Variants in SYNDIG1 observed in about 807,000 individuals in gnomAD.
The protein encoded by SYNDIG1 is synapse differentiation inducing 1, also known as synapse differentiation-inducing gene protein 1.
Under a neutral mutation model 19.4 loss-of-function variants are expected in SYNDIG1, and 9 were observed. That is an observed-to-expected ratio of 0.46 (90% CI 0.28 to 0.81). The LOEUF (loss-of-function observed/expected upper bound fraction) is 0.81, where lower values mean the gene tolerates loss of function less well. SYNDIG1 is among the 30% of genes least tolerant of loss of function. The pLI is 0.12. For synonymous variants in SYNDIG1, 141 were observed against 145.9 expected (o/e 0.97, Z 0.24); for missense variants, 311 against 343.3 (o/e 0.91, Z 0.74).
intron 1 of SYNDIG1, among the ~76,000 whole-genome samples, chr20:24,504,473 C>T (rs1461528940): frequency 6.6e-6 from 1 of 152,210 alleles, no homozygotes; most frequent in Non-Finnish European, 1.5e-5. Flanking sequence ...CAAGCCCAAA[C>T]AAGCCCGACT....
In SYNDIG1 at chr20:24,539,307, T is replaced by C. The variant is rs1410270135; in HGVS notation, c.-78-3713T>C. ...AGGTAAGGGTTCAACTTCATTCTTT[T>C]GCATGTGGATATCCAATTTTTTAGC... On this transcript the variant is annotated intron_variant, in intron 1 of 3. Coordinates refer to ENST00000376862, the MANE Select transcript of SYNDIG1 (RefSeq NM_024893.3). Among the ~76,000 whole-genome samples the C allele has an allele frequency of 2.0e-5, 3 of 152,338 alleles. No homozygotes were observed. In the East Asian group the frequency reaches 5.8e-4, roughly 29 times the overall value.
intron 1 of SYNDIG1, among the ~76,000 whole-genome samples, chr20:24,513,790 C>A (rs897430218): frequency 2.0e-5 from 3 of 152,142 alleles, no homozygotes; most frequent in Non-Finnish European, 4.4e-5. Context: ...CAAAGATACT[C>A]CTCAAAAAGA....
chr20:24,630,935 G>A (rs2147291903), intron 3 of SYNDIG1, among the ~76,000 whole-genome samples: 1 of 152,366 alleles, frequency 6.6e-6, no homozygotes, highest in East Asian at 1.9e-4. Context: ...AAGAAAGGAG[G>A]ACAGCAGGAT....
chr20:24,475,519 G>A (rs1275606327), intron 1 of SYNDIG1, among the ~76,000 whole-genome samples: 1 of 152,214 alleles, frequency 6.6e-6, no homozygotes, highest in Admixed American at 6.5e-5. Context: ...TGAAAGAGTT[G>A]AAATGTGATA....
At chr20:24,530,951 G>A (rs758570233) in intron 1 of SYNDIG1, among the ~76,000 whole-genome samples, 1 of 152,014 alleles carries the variant, frequency 6.6e-6, no homozygotes, top group Non-Finnish European at 1.5e-5. Flanking sequence ...TGGGACTACA[G>A]GCGCATGCCA....
chr20:24,528,651 G>C (rs187532744), intron 1 of SYNDIG1, among the ~76,000 whole-genome samples: 1 of 152,242 alleles, frequency 6.6e-6, no homozygotes, highest in East Asian at 1.9e-4. Context: ...TCCTATGGGC[G>C]AGGGCTTAAT....
intron 3 of SYNDIG1, among the ~76,000 whole-genome samples, chr20:24,620,412 G>T (rs1485725976): frequency 6.6e-6 from 1 of 152,304 alleles, no homozygotes; most frequent in Middle Eastern, 3.4e-3. Flanking sequence ...GGTCATCAGT[G>T]CTGGCTGTTT....
intron 3 of SYNDIG1, among the ~76,000 whole-genome samples, chr20:24,655,178 G>A (rs1189699784): frequency 6.6e-6 from 1 of 152,176 alleles, no homozygotes; most frequent in Non-Finnish European, 1.5e-5. Context: ...AACGCCAGGA[G>A]GAAATAAGAA....
intron 1 of SYNDIG1, among the ~76,000 whole-genome samples, chr20:24,524,377 G>A (rs2057071360): frequency 6.6e-6 from 1 of 152,198 alleles, no homozygotes; most frequent in African/African-American, 2.4e-5. Context: ...CGGCCAGGGT[G>A]GCTCACGCCA....
intron 2 of SYNDIG1, among the ~76,000 whole-genome samples, chr20:24,559,488 A>G (rs2057893744): frequency 6.6e-6 from 1 of 152,214 alleles, no homozygotes; most frequent in Non-Finnish European, 1.5e-5. Flanking sequence ...AAACAAACAA[A>G]CGACACAGGA....
intron 3 of SYNDIG1, among the ~76,000 whole-genome samples, chr20:24,590,783 T>C (rs1209028881): frequency 1.3e-5 from 2 of 151,548 alleles, no homozygotes; most frequent in Non-Finnish European, 2.9e-5. Context: ...GGGCCGAGGG[T>C]AGGAGTGTAA....
chr20:24,557,713 G>A (rs957643022), intron 2 of SYNDIG1, among the ~76,000 whole-genome samples: 5 of 152,262 alleles, frequency 3.3e-5, no homozygotes, highest in South Asian at 2.1e-4. Flanking sequence ...CAGTCTGCCC[G>A]TACTGGGGGG....
At chr20:24,574,525 A>G (rs1239463684) in intron 2 of SYNDIG1, among the ~76,000 whole-genome samples, 1 of 151,990 alleles carries the variant, frequency 6.6e-6, no homozygotes, top group Non-Finnish European at 1.5e-5. Context: ...AAATAAATAA[A>G]TAAAAATAAT....
chr20:24,650,518 CT>C (rs973746948), intron 3 of SYNDIG1, among the ~76,000 whole-genome samples: 4 of 151,604 alleles, frequency 2.6e-5, no homozygotes, highest in African/African-American at 9.7e-5. Context: ...CATTTCCATT[CT>C]TTTTTTTTCA....
chr20:24,475,123 G>A (rs2055580992), intron 1 of SYNDIG1, among the ~76,000 whole-genome samples: 1 of 152,094 alleles, frequency 6.6e-6, no homozygotes, highest in Non-Finnish European at 1.5e-5. Flanking sequence ...CTATGATCTT[G>A]GTCCTCACAT....
At chr20:24,503,008 A>T (rs1053707115) in intron 1 of SYNDIG1, among the ~76,000 whole-genome samples, 4 of 152,242 alleles carry the variant, frequency 2.6e-5, no homozygotes, top group African/African-American at 9.6e-5. Context: ...CATAGCATGA[A>T]GCCCATCACA....
Position 24,579,765 on chromosome 20 carries a change from T to C in SYNDIG1, c.481-5091T>C, listed in dbSNP as rs78759830. Among the ~76,000 whole-genome samples, 388 of 152,298 alleles carry C rather than the reference T, an allele frequency of 2.5e-3. 3 individuals are homozygous for C. Among genetic ancestry groups the C allele is most frequent in the African/African-American group, 9.0e-3 (374 of 41,556 alleles). On this transcript the variant is annotated intron_variant, in intron 2 of 3. Transcript: ENST00000376862. The stretch of plus-strand genomic sequence containing the variant: ...CGCCACCCTTGGATGGTGCGTGAGA[T>C]GCTCACCAGAGTCGGTGAGCACAGA...
At chr20:24,610,643 A>C (rs544394603) in intron 3 of SYNDIG1, among the ~76,000 whole-genome samples, 15 of 152,340 alleles carry the variant, frequency 9.8e-5, no homozygotes, top group Admixed American at 9.1e-4. Flanking sequence ...AGCAGGACAC[A>C]ATTTATTATG....
At chr20:24,520,303 A>C (rs559520422) in intron 1 of SYNDIG1, among the ~76,000 whole-genome samples, 1 of 151,886 alleles carries the variant, frequency 6.6e-6, no homozygotes, top group Non-Finnish European at 1.5e-5. Context: ...TAAAGCCAAC[A>C]ATAGTACTAC....
Sources: allele counts gnomAD v4.1 joint callset (sites outside exome capture counted in the v4.1 genomes callset), GRCh38; gene constraint gnomAD v4.1.1; transcripts MANE v1.5; gene names NCBI Gene and HGNC (gene_info 2026-07-23, HGNC 2026-07-21).